Variants in ENPEP observed in about 807,000 individuals in gnomAD.
ENPEP encodes AP-A.
In ENPEP, 103 loss-of-function variants were observed where a neutral mutation model predicts 114.5. The observed-to-expected ratio is 0.90, with a 90% CI of 0.77 to 1.06. The LOEUF is 1.06. ENPEP is among the 50% of genes least tolerant of loss of function. The pLI is 0.00. For missense variants in ENPEP, 1,196 were observed against 1,161.3 expected (o/e 1.03, Z -0.43); for synonymous variants, 420 against 422.0 (o/e 1.00, Z 0.06).
At chr4:110,532,056 A>T (rs1399922445) in intron 11 of ENPEP, among the ~76,000 whole-genome samples, 1 of 152,182 alleles carries the variant, frequency 6.6e-6, no homozygotes, top group Non-Finnish European at 1.5e-5. Context: ...TTAAAATATT[A>T]ATGAGGTATG....
rs750087535 is a variant in ENPEP, at chr4:110,506,666, G to T, written c.948G>T (p.Lys316Asn). 25 of 1,610,462 alleles carry T rather than the reference G, an allele frequency of 1.6e-5. No individual in the cohort carries two copies. The highest frequency in any genetic ancestry group is 1.1e-5 in the South Asian group (1 of 89,982). ...PLTIYVQPEQ[K>N]HTAEYAANIT... ...CAATTTATGTCCAGCCAGAGCAAAAGCACACAGCCGAATATGCTGCAAACA... is the reference window on the plus strand; with the variant it reads ...CAATTTATGTCCAGCCAGAGCAAAATCACACAGCCGAATATGCTGCAAACA... Residue 316 changes from lysine (K) to asparagine (N), a missense_variant, in exon 4 of 20, where the codon AAG becomes AAT. Transcript: ENST00000265162.
At chr4:110,556,911 G>A (rs1727494207) in intron 18 of ENPEP, among the ~76,000 whole-genome samples, 1 of 152,158 alleles carries the variant, frequency 6.6e-6, no homozygotes, top group African/African-American at 2.4e-5. Context: ...CAGTAGTAAG[G>A]AGAAGCAGAC....
In ENPEP at chr4:110,564,109, T is replaced by C. The variant is rs548243404; in HGVS notation, c.*2551T>C. ...TCATCATCAGACTTTCCTTTTTTTT[T>C]CAAGCATTTTTATAAACACTAGCAC... On this transcript the variant is annotated 3_prime_UTR_variant, in exon 20 of 20. Transcript: ENST00000265162. 1 of 152,282 alleles carries C rather than the reference T, an allele frequency of 6.6e-6. No homozygotes were observed. 9.4% of individuals were successfully genotyped at this position (152,282 alleles called of 1,614,324 possible).
At position 110,488,550 on chromosome 4, in the gene ENPEP, G is replaced by A. The variant is rs774299904; in HGVS notation, c.654G>A (p.Val218=). The change falls in exon 2 of 20, where the codon GTG becomes GTA. Residue 218 remains valine, a synonymous_variant. Transcript: ENST00000265162. ...YTENGQVKSI[V]ATDHEPTDAR... ...TTTGTTTGTTTCTAAGGAGCATAGTGGCCACCGATCATGAACCAACAGATG... is the reference window on the plus strand; with the variant it reads ...TTTGTTTGTTTCTAAGGAGCATAGTAGCCACCGATCATGAACCAACAGATG... 14 of 1,610,890 alleles carry A rather than the reference G, an allele frequency of 8.7e-6. No homozygotes were observed. The highest frequency in any genetic ancestry group is 2.2e-5 in the East Asian group (1 of 44,768).
chr4:110,515,695 A>G (rs1334062714), intron 8 of ENPEP: 6 of 560,056 alleles, frequency 1.1e-5, no homozygotes, highest in East Asian at 8.1e-5. Context: ...AACTCCTTAC[A>G]TGTGTCTTAG....
chr4:110,538,449 A>G (rs527729350), intron 11 of ENPEP, among the ~76,000 whole-genome samples: 4 of 152,330 alleles, frequency 2.6e-5, no homozygotes, highest in African/African-American at 7.2e-5. Flanking sequence ...CAGGCTTCAC[A>G]GAATTGAAGA....
chr4:110,510,451 G>A, intron 6 of ENPEP, 93 bp downstream of exon 6: 4 of 1,061,328 alleles, frequency 3.8e-6, no homozygotes, highest in South Asian at 1.4e-5. Flanking sequence ...CGAGTCAGAT[G>A]GCAAGTACAG....
chr4:110,535,182 G>T (rs1341278054), intron 11 of ENPEP, among the ~76,000 whole-genome samples: 1 of 152,188 alleles, frequency 6.6e-6, no homozygotes, highest in Admixed American at 6.5e-5. Context: ...ACATTTCTAA[G>T]TGCATAGGAT....
intron 10 of ENPEP, among the ~76,000 whole-genome samples, chr4:110,526,745 G>A (rs1288961587): frequency 1.3e-5 from 2 of 152,196 alleles, no homozygotes; most frequent in Non-Finnish European, 2.9e-5. Flanking sequence ...GGGGAGGAGT[G>A]GAGGCAGGGA....
chr4:110,527,553 C>T lies in ENPEP; in HGVS notation c.1728-3645C>T, dbSNP rs192755552. On this transcript the variant is annotated intron_variant, in intron 10 of 19. Transcript: ENST00000265162. ...AGAAAACATTTGTTTTTCACTTTTT[C>T]CTCTTCATGATACATGAATTGAAAC... Among the ~76,000 whole-genome samples the T allele has an allele frequency of 2.6e-3, 403 of 152,160 alleles. 1 individual carries two copies. The highest frequency in any genetic ancestry group is 9.3e-3 in the African/African-American group (385 of 41,524).
intron 1 of ENPEP, 144 bp from the exon 2 acceptor site, chr4:110,488,397 G>T: frequency 9.2e-7 from 1 of 1,091,252 alleles, no homozygotes. Flanking sequence ...ACAAATATTT[G>T]ATAGTCTTCT....
At chr4:110,556,989 GT>G (rs1727497458) in intron 18 of ENPEP, among the ~76,000 whole-genome samples, 1 of 152,076 alleles carries the variant, frequency 6.6e-6, no homozygotes, top group Admixed American at 6.6e-5. Context: ...ACAAATACAT[GT>G]ATACTTTATT....
chr4:110,498,118 C>T (rs1297176224), intron 3 of ENPEP, among the ~76,000 whole-genome samples: 1 of 152,134 alleles, frequency 6.6e-6, no homozygotes, highest in Non-Finnish European at 1.5e-5. Flanking sequence ...CTACTATGTG[C>T]ACTGGAGGAT....
At position 110,506,617 on chromosome 4, in the gene ENPEP, T is replaced by G. The variant is rs374819760; in HGVS notation, c.919-20T>G. 18 of 1,577,010 alleles carry G rather than the reference T, an allele frequency of 1.1e-5. No homozygotes were observed. Among genetic ancestry groups the G allele is most frequent in the Non-Finnish European group, 5.2e-6 (6 of 1,163,956 alleles). ...AATGAAGAATAATTTTCACTGAATT[T>G]TTTGTGTTTTGTTTAATAGCTTACA... On this transcript the variant is annotated intron_variant, in intron 3 of 19. Coordinates refer to ENST00000265162, the MANE Select transcript of ENPEP (RefSeq NM_001977.4).
chr4:110,513,663 G>T (rs1282301448), intron 7 of ENPEP, 114 bp downstream of exon 7: 9 of 1,314,424 alleles, frequency 6.8e-6, no homozygotes, highest in Non-Finnish European at 9.4e-6. Flanking sequence ...TTGGAAAACA[G>T]TGTAGAAGTT....
intron 13 of ENPEP, among the ~76,000 whole-genome samples, chr4:110,546,349 T>C (rs1440630184): frequency 6.6e-6 from 1 of 151,790 alleles, no homozygotes; most frequent in African/African-American, 2.4e-5. Context: ...ATAGTTTTTG[T>C]TGTTTTTTGT....
At chr4:110,547,953 C>T (rs1272072087) in intron 13 of ENPEP, among the ~76,000 whole-genome samples, 1 of 151,888 alleles carries the variant, frequency 6.6e-6, no homozygotes, top group Non-Finnish European at 1.5e-5. Flanking sequence ...CTTTCTTCCT[C>T]CTTACTATTG....
At chr4:110,498,573 G>A (rs1402558337) in intron 3 of ENPEP, among the ~76,000 whole-genome samples, 2 of 152,174 alleles carry the variant, frequency 1.3e-5, no homozygotes, top group African/African-American at 2.4e-5. Context: ...AAACCTGAAT[G>A]TATGGTCACC....
chr4:110,476,969 G>A lies in ENPEP; in HGVS notation c.555G>A (p.Leu185=). The A allele has an allele frequency of 1.2e-6, 2 of 1,614,196 alleles. No individual in the cohort carries two copies. The highest frequency in any genetic ancestry group is 8.5e-7 in the Non-Finnish European group (1 of 1,180,032). Residue 185 remains leucine, a synonymous_variant, in exon 1 of 20, where the codon CTG becomes CTA. Transcript: ENST00000265162. ...EELTPSSGDG[L]YLLTMEFAGW... Reference sequence around the variant, plus strand: ...TTACCCCCAGCAGTGGAGATGGCCTGTATCTCCTGACCATGGAGTTCGCCG... The same window carrying A: ...TTACCCCCAGCAGTGGAGATGGCCTATATCTCCTGACCATGGAGTTCGCCG...
Sources: gnomAD v4.1 joint callset for allele counts (sites outside exome capture counted in the v4.1 genomes callset) on GRCh38, gnomAD v4.1.1 for gene constraint, MANE v1.5 for transcripts, NCBI Gene and HGNC (gene_info 2026-07-23, HGNC 2026-07-21) for gene names.